The following CHRM3 variants were observed in gnomAD, a reference collection of about 807,000 sequenced individuals.
CHRM3 encodes the protein muscarinic acetylcholine receptor M3.
A neutral mutation model predicts 41.8 loss-of-function variants in CHRM3; 11 were observed. The observed-to-expected ratio is 0.26, with a 90% CI of 0.17 to 0.44. CHRM3 has a LOEUF of 0.44. Among genes scored for constraint, CHRM3 ranks in the 20% least tolerant of loss-of-function variants. CHRM3 has a pLI of 1.00. For missense variants in CHRM3, 571 were observed against 745.4 expected, an observed-to-expected ratio of 0.77 and a Z score of 2.72; for synonymous variants, 297 against 301.4, an observed-to-expected ratio of 0.99 and a Z score of 0.15.
At chr1:239,690,813 A>C (rs1035998541) in intron 5 of CHRM3, among the ~76,000 whole-genome samples, 1 of 151,742 alleles carries the variant, frequency 6.6e-6, no homozygotes, top group African/African-American at 2.4e-5. Flanking sequence ...GTGGCTGAAA[A>C]ATTTTATATA....
chr1:239,635,287 T>G (rs1289519028), intron 4 of CHRM3, among the ~76,000 whole-genome samples: 1 of 152,212 alleles, frequency 6.6e-6, no homozygotes, highest in African/African-American at 2.4e-5. Context: ...ATTTGAGACC[T>G]TCTCAAAATC....
In CHRM3 at chr1:239,531,251, A is replaced by C. The variant is rs563534264; in HGVS notation, c.-421-14390A>C. On this transcript the variant is annotated intron_variant, in intron 2 of 6. Coordinates refer to ENST00000676153, the MANE Select transcript of CHRM3 (RefSeq NM_001375978.1). ...AGGACATGCACTTCCTGATTTTAGA[A>C]ATTAATATAAAGCTACAGTAATCAA... Among the ~76,000 whole-genome samples the C allele has an allele frequency of 3.5e-3, 528 of 152,296 alleles. 6 individuals carry two copies. Among genetic ancestry groups the C allele is most frequent in the African/African-American group, 0.012 (494 of 41,562 alleles).
chr1:239,445,886 G>A (rs919057041), intron 1 of CHRM3, among the ~76,000 whole-genome samples: 2 of 151,978 alleles, frequency 1.3e-5, no homozygotes, highest in Admixed American at 6.6e-5. Flanking sequence ...AACTCAGAGG[G>A]TACTGACCCA....
chr1:239,907,516 A>G lies in CHRM3; in HGVS notation c.65A>G (p.His22Arg). 6.2e-7 allele frequency: 1 copy of G among 1,614,164 alleles called. No homozygotes were observed. Among genetic ancestry groups the G allele is most frequent in the South Asian group, 1.1e-5 (1 of 91,076 alleles). ...LFPNISSSWIHSPSDAGLPPG... is the reference protein window; with the variant it reads ...LFPNISSSWIRSPSDAGLPPG... ...CCAAACATCAGCTCCTCCTGGATAC[A>G]CAGCCCCTCCGATGCAGGGCTGCCC... The change falls in exon 7 of 7, where the codon CAC becomes CGC. Residue 22 changes from histidine to arginine, a missense_variant. By Grantham distance (29) the His-to-Arg change is conservative (BLOSUM62 0). Around this residue, in one of 5 missense-constraint regions of CHRM3, gnomAD observed 92 missense variants for 76.1 expected, o/e 1.21. Coordinates refer to ENST00000676153, the MANE Select transcript of CHRM3 (RefSeq NM_001375978.1). This position sits in a 1 kb window ranked among gnomAD's most constrained non-coding sequence, Gnocchi z 5.4.
intron 4 of CHRM3, among the ~76,000 whole-genome samples, chr1:239,654,422 G>C (rs558676489): frequency 2.6e-5 from 4 of 151,998 alleles, no homozygotes; most frequent in African/African-American, 7.3e-5. Context: ...CTTTTGAGAC[G>C]GAGTCTCACT....
chr1:239,516,213 A>C (rs1257869668), intron 2 of CHRM3, among the ~76,000 whole-genome samples: 1 of 152,200 alleles, frequency 6.6e-6, no homozygotes, highest in East Asian at 1.9e-4. Flanking sequence ...TACTATTCCC[A>C]GGAGGGGAGA....
At position 239,562,580 on chromosome 1, in the gene CHRM3, T is replaced by TGATG. The variant is rs1558321139; in HGVS notation, c.-313+16831_-313+16832insGATG. On this transcript the variant is annotated intron_variant, in intron 3 of 6. Coordinates refer to ENST00000676153, the MANE Select transcript of CHRM3 (RefSeq NM_001375978.1). Reference sequence around the variant, plus strand: ...CTATTTAGATGATGATGATGATGATTATTATTATTATTATTTTTAAAGCGT... The same window carrying TGATG: ...CTATTTAGATGATGATGATGATGATTGATGATTATTATTATTATTTTTAAAGCGT... Among the ~76,000 whole-genome samples, 572 of 150,842 alleles carry TGATG rather than the reference T, an allele frequency of 3.8e-3. 1 individual carries two copies. The highest frequency in any genetic ancestry group is 9.9e-3 in the African/African-American group (407 of 41,078).
rs746299563 is a variant in CHRM3, at chr1:239,908,507, C to G, written c.1056C>G (p.Ser352=). The G allele has an allele frequency of 6.2e-7, 1 of 1,600,054 alleles. No individual in the cohort carries two copies. Among genetic ancestry groups the G allele is most frequent in the Admixed American group, 1.7e-5 (1 of 58,162 alleles). The part of the protein sequence containing the change: ...AAASLENSAS[S]DEEDIGSETR... Reference sequence around the variant, plus strand: ...CCTCCCTGGAGAACTCCGCCTCCTCCGACGAGGAGGACATTGGCTCCGAGA... The same window carrying G: ...CCTCCCTGGAGAACTCCGCCTCCTCGGACGAGGAGGACATTGGCTCCGAGA... The change falls in exon 7 of 7, where the codon TCC becomes TCG. Residue 352 remains serine (S), a synonymous_variant. Coordinates refer to ENST00000676153, the MANE Select transcript of CHRM3 (RefSeq NM_001375978.1). This position sits in a 1 kb window ranked among gnomAD's most constrained non-coding sequence, Gnocchi z 7.2.
intron 1 of CHRM3, among the ~76,000 whole-genome samples, chr1:239,453,997 A>G (rs1664750173): frequency 6.6e-6 from 1 of 152,136 alleles, no homozygotes; most frequent in Admixed American, 6.5e-5. Context: ...ATAAACTAAC[A>G]GTTTTATCCT....
intron 3 of CHRM3, among the ~76,000 whole-genome samples, chr1:239,620,518 G>A (rs1668241330): frequency 6.6e-6 from 1 of 152,132 alleles, no homozygotes; most frequent in Non-Finnish European, 1.5e-5. Flanking sequence ...AAGAGGGAGA[G>A]AGAGAGAATA....
chr1:239,704,397 G>A (rs1558470341), intron 5 of CHRM3: 1 of 151,952 alleles, frequency 6.6e-6, no homozygotes, highest in Non-Finnish European at 1.5e-5. Context: ...TTGAAGTTTT[G>A]TATTGATGAA....
At chr1:239,802,880 G>A (rs1433679205) in intron 5 of CHRM3, among the ~76,000 whole-genome samples, 1 of 152,200 alleles carries the variant, frequency 6.6e-6, no homozygotes, top group Non-Finnish European at 1.5e-5. Context: ...TTATAGGCAT[G>A]AGCCACCTCT....
chr1:239,443,277 G>T (rs1223300273), intron 1 of CHRM3, among the ~76,000 whole-genome samples: 1 of 152,140 alleles, frequency 6.6e-6, no homozygotes, highest in Non-Finnish European at 1.5e-5. Context: ...ATAATCTGAT[G>T]ATTGTATAAT....
At chr1:239,678,035 A>G (rs1035757825) in intron 4 of CHRM3, among the ~76,000 whole-genome samples, 151 bp from the exon 5 acceptor site, 4 of 152,226 alleles carry the variant, frequency 2.6e-5, no homozygotes, top group Admixed American at 1.3e-4. Context: ...TAATTTCTTG[A>G]TGAAGTATAT....
chr1:239,697,219 TG>T (rs1164421156), intron 5 of CHRM3, among the ~76,000 whole-genome samples: 2 of 152,152 alleles, frequency 1.3e-5, no homozygotes, highest in African/African-American at 2.4e-5. Flanking sequence ...AATTGAATCA[TG>T]GGGGCAGGTC....
At chr1:239,457,065 G>A (rs74655438) in intron 1 of CHRM3, among the ~76,000 whole-genome samples, 4 of 152,070 alleles carry the variant, frequency 2.6e-5, no homozygotes, top group East Asian at 1.9e-4. Flanking sequence ...GTCATTCCCC[G>A]GAAATCCTCA....
At chr1:239,415,841 C>T (rs1000533681) in intron 1 of CHRM3, among the ~76,000 whole-genome samples, 1 of 152,238 alleles carries the variant, frequency 6.6e-6, no homozygotes, top group African/African-American at 2.4e-5. Flanking sequence ...CTCTATGCAA[C>T]TTGGATGCTG....
intron 2 of CHRM3, among the ~76,000 whole-genome samples, chr1:239,538,697 A>T (rs1195210027): frequency 1.3e-5 from 2 of 152,246 alleles, no homozygotes; most frequent in Non-Finnish European, 2.9e-5. Flanking sequence ...TTTCAGTACA[A>T]CTGGTCTTTA....
At chr1:239,484,805 A>G (rs1667083439) in intron 1 of CHRM3, among the ~76,000 whole-genome samples, 1 of 152,234 alleles carries the variant, frequency 6.6e-6, no homozygotes, top group African/African-American at 2.4e-5. Flanking sequence ...CCAGTGGCAC[A>G]GAGTACACAC....
Sources: gnomAD v4.1 joint callset for allele counts (sites outside exome capture counted in the v4.1 genomes callset) on GRCh38, gnomAD v4.1.1 for gene constraint, gnomAD v4.1.1 regional missense constraint, Gnocchi (gnomAD v3.1) non-coding constraint, MANE v1.5 for transcripts, NCBI Gene and HGNC (gene_info 2026-07-23, HGNC 2026-07-21) for gene names.